CADM1: variants seen among roughly 807,000 people sequenced by gnomAD.
CADM1 encodes the protein TSLC-1.
Under a neutral mutation model 53.1 loss-of-function variants are expected in CADM1, and 15 were observed. The observed-to-expected ratio is 0.28, with a 90% CI of 0.19 to 0.44. The LOEUF (loss-of-function observed/expected upper bound fraction) is 0.44, where lower values mean the gene tolerates loss of function less well. Ranked by LOEUF, CADM1 falls within the 20% of genes least tolerant of loss-of-function variation. The pLI is 1.00. For missense variants in CADM1, 434 were observed against 611.3 expected (o/e 0.71, Z 3.06); for synonymous variants, 281 against 243.0 (o/e 1.16, Z -1.45).
intron 8 of CADM1, among the ~76,000 whole-genome samples, chr11:115,203,425 G>A (rs1271475828): frequency 6.6e-6 from 1 of 152,148 alleles, no homozygotes; most frequent in East Asian, 1.9e-4. Flanking sequence ...ACAGGAAAGA[G>A]GCTCTCTGTA....
At chr11:115,395,313 G>T (rs899506973) in intron 1 of CADM1, among the ~76,000 whole-genome samples, 44 of 152,114 alleles carry the variant, frequency 2.9e-4, no homozygotes, top group African/African-American at 1.0e-3. Flanking sequence ...TTATCCCAGA[G>T]AACTGAAGGG....
At chr11:115,450,321 G>A (rs1948543648) in intron 1 of CADM1, among the ~76,000 whole-genome samples, 1 of 152,096 alleles carries the variant, frequency 6.6e-6, no homozygotes, top group African/African-American at 2.4e-5. Flanking sequence ...TCCAGGCCCA[G>A]TCACTCCTAC....
intron 1 of CADM1, among the ~76,000 whole-genome samples, chr11:115,398,066 C>T (rs1163352833): frequency 6.6e-6 from 1 of 152,098 alleles, no homozygotes; most frequent in Non-Finnish European, 1.5e-5. Flanking sequence ...ACTCATAAAC[C>T]AGTAAACACT....
At position 115,171,962 on chromosome 11, in the gene CADM1, C is replaced by G. The variant is rs1185022531; in HGVS notation, c.*4512G>C. ...CTGGGTAACCTTCTATCGTTTTAGT[C>G]ACCATTTGCCTCTATCCTGTGACTG... On this transcript the variant is annotated 3_prime_UTR_variant, in exon 12 of 12. Transcript: ENST00000331581. 1 of 152,372 alleles carries G rather than the reference C, an allele frequency of 6.6e-6. No homozygotes were observed. 9.4% of individuals were successfully genotyped at this position (152,372 alleles called of 1,614,324 possible). A position where few individuals can be genotyped will look rare whatever the true frequency, so the allele number is the denominator to read the frequency against.
At chr11:115,199,654 A>G (rs1383136716) in intron 8 of CADM1, among the ~76,000 whole-genome samples, 2 of 152,166 alleles carry the variant, frequency 1.3e-5, no homozygotes, top group Non-Finnish European at 2.9e-5. Context: ...TCCAATGTCA[A>G]CCCATCTGGC....
intron 5 of CADM1, among the ~76,000 whole-genome samples, chr11:115,225,249 C>A (rs911892140): frequency 2.0e-5 from 3 of 151,704 alleles, no homozygotes; most frequent in African/African-American, 7.3e-5. Context: ...GCGGCTAATG[C>A]CCCAGAAAAT....
At chr11:115,356,101 G>A (rs1945863004) in intron 1 of CADM1, among the ~76,000 whole-genome samples, 1 of 152,108 alleles carries the variant, frequency 6.6e-6, no homozygotes, top group South Asian at 2.1e-4. Flanking sequence ...AAAGTGCTGG[G>A]ATTACAGGCG....
intron 1 of CADM1, among the ~76,000 whole-genome samples, chr11:115,265,665 G>A (rs549664679): frequency 6.6e-6 from 1 of 152,194 alleles, no homozygotes; most frequent in Non-Finnish European, 1.5e-5. Flanking sequence ...TCTGTATTTG[G>A]GACCAGTAGT....
intron 1 of CADM1, among the ~76,000 whole-genome samples, chr11:115,339,283 A>G (rs1443312899): frequency 1.3e-5 from 2 of 152,222 alleles, no homozygotes; most frequent in East Asian, 3.9e-4. Flanking sequence ...TACTGGGTAT[A>G]TACCCAAAGG....
chr11:115,232,948 T>C (rs1941875644), intron 3 of CADM1, among the ~76,000 whole-genome samples: 1 of 152,254 alleles, frequency 6.6e-6, no homozygotes, highest in African/African-American at 2.4e-5. Flanking sequence ...TCTCTGATAC[T>C]GCTTCAATAA....
intron 1 of CADM1, among the ~76,000 whole-genome samples, chr11:115,439,342 G>A (rs1023652382): frequency 1.3e-5 from 2 of 152,100 alleles, no homozygotes; most frequent in African/African-American, 2.4e-5. Context: ...CATCTCAGAT[G>A]GTTTGGGTAT....
chr11:115,285,769 C>T (rs1271029604), intron 1 of CADM1, among the ~76,000 whole-genome samples: 5 of 152,124 alleles, frequency 3.3e-5, no homozygotes, highest in Admixed American at 2.0e-4. Context: ...TCTGAGCTCT[C>T]GGTGAACCCC....
rs56712105 is a variant in CADM1 at position 115,267,678 on chromosome 11, CTTTTTTT to C, written c.125-27265_125-27259del. On this transcript the variant is annotated intron_variant, in intron 1 of 11. Coordinates refer to ENST00000331581, the MANE Select transcript of CADM1 (RefSeq NM_001301043.2). ...ACACAAACTAACCTAAAATTGCTTT[CTTTTTTT>C]TTTTTTTTTTTTTCTAAAATTGCTT... 4.9e-4 allele frequency among the ~76,000 whole-genome samples: 64 copies of C among 131,292 alleles called. 1 individual carries two copies. Among genetic ancestry groups the C allele is most frequent in the African/African-American group, 1.2e-3 (44 of 36,870 alleles). 86.1% of individuals were successfully genotyped at this position (131,292 alleles called of 152,430 possible).
In CADM1 at chr11:115,173,877, A is replaced by C; in HGVS notation, c.*2597T>G. Reference sequence around the variant, plus strand: ...ATTTGGCATCAATTATACATCCTTCATTATTTTATATTCCTTTAAAAAACA... The same window carrying C: ...ATTTGGCATCAATTATACATCCTTCCTTATTTTATATTCCTTTAAAAAACA... On this transcript the variant is annotated 3_prime_UTR_variant, in exon 12 of 12. Coordinates refer to ENST00000331581, the MANE Select transcript of CADM1 (RefSeq NM_001301043.2). The C allele has an allele frequency of 1.4e-5, 14 of 968,264 alleles. No individual in the cohort carries two copies. Among genetic ancestry groups the C allele is most frequent in the Non-Finnish European group, 1.7e-5 (14 of 814,382 alleles). 60.0% of individuals were successfully genotyped at this position (968,264 alleles called of 1,614,324 possible).
chr11:115,361,498 A>G (rs1946027910), intron 1 of CADM1, among the ~76,000 whole-genome samples: 1 of 152,178 alleles, frequency 6.6e-6, no homozygotes, highest in Non-Finnish European at 1.5e-5. Context: ...TATTTTGTTG[A>G]AGGTGACCCT....
intron 10 of CADM1, chr11:115,190,642 C>T: frequency 2.0e-5 from 10 of 491,020 alleles, no homozygotes; most frequent in Non-Finnish European, 3.3e-5. Context: ...TAGTACAATC[C>T]CAAAGGTAAC....
At chr11:115,378,655 G>T (rs185943869) in intron 1 of CADM1, among the ~76,000 whole-genome samples, 65 of 152,226 alleles carry the variant, frequency 4.3e-4, no homozygotes, top group African/African-American at 1.4e-3. Flanking sequence ...ATTTGTCAAT[G>T]GTTGAAAAAA....
At chr11:115,377,792 G>C (rs1387723316) in intron 1 of CADM1, 7 of 152,156 alleles carry the variant, frequency 4.6e-5, no homozygotes, top group Admixed American at 3.9e-4. Context: ...GTGTGAAAGA[G>C]ACAAGTATCC....
At chr11:115,469,700 C>T (rs1948970255) in intron 1 of CADM1, among the ~76,000 whole-genome samples, 1 of 109,150 alleles carries the variant, frequency 9.2e-6, no homozygotes, top group Admixed American at 1.4e-4. Context: ...GAGACAGAGT[C>T]TCTCTCTGTT....
Sources: gnomAD v4.1 joint callset for allele counts (sites outside exome capture counted in the v4.1 genomes callset) on GRCh38, gnomAD v4.1.1 for gene constraint, MANE v1.5 for transcripts, NCBI Gene and HGNC (gene_info 2026-07-23, HGNC 2026-07-21) for gene names.